BORA: variants seen among roughly 807,000 people sequenced by gnomAD.
BORA encodes protein aurora borealis.
In BORA, 26 loss-of-function variants were observed where a neutral mutation model predicts 55.8. The ratio of observed to expected loss-of-function variants is 0.47; its 90% CI spans 0.34 to 0.65. The LOEUF is 0.65. BORA is among the 30% of genes least tolerant of loss of function. The pLI is 0.01. For missense variants in BORA, 568 were observed against 671.5 expected (o/e 0.85, Z 1.70); for synonymous variants, 201 against 216.9 (o/e 0.93, Z 0.64).
In BORA at chr13:72,746,781, C is replaced by A; in HGVS notation, c.1152C>A (p.His384Gln). 1 of 1,614,128 alleles carries A rather than the reference C, an allele frequency of 6.2e-7. No individual in the cohort carries two copies. The highest frequency in any genetic ancestry group is 1.3e-5 in the African/African-American group (1 of 75,044). The change falls in exon 10 of 12, where the codon CAC (histidine) becomes CAA (glutamine). Residue 384 changes from histidine (H) to glutamine (Q), a missense_variant. Coordinates refer to ENST00000390667, the MANE Select transcript of BORA (RefSeq NM_024808.5). ...CCGCCATGGATGCTGCTGGAATACA[C>A]CTACGGCAGTTTAGTAATGAGGCTT... is the stretch of plus-strand genomic sequence containing the variant. ...SSPAMDAAGI[H>Q]LRQFSNEAST...
Position 72,746,047 on chromosome 13 carries a change from A to T in BORA, c.842A>T (p.Glu281Val). 6.2e-7 allele frequency: 1 copy of T among 1,611,898 alleles called. No homozygotes were observed. The highest frequency in any genetic ancestry group is 2.2e-5 in the East Asian group (1 of 44,806). The stretch of plus-strand genomic sequence containing the variant: ...TCTTCACCCACTTTCTCACCAATTG[A>T]ATTTCAGATAGGAGAGACTCCACTC... ...PISSPTFSPI[E>V]FQIGETPLSE... is the part of the protein sequence containing the mutation. The change falls in exon 9 of 12, where the codon GAA becomes GTA. Residue 281 changes from glutamate (E) to valine (V), a missense_variant. Glu to Val is a moderately radical substitution (Grantham distance 121). Transcript: ENST00000390667.
intron 11 of BORA, chr13:72,754,892 T>C: frequency 3.0e-6 from 1 of 332,186 alleles, no homozygotes; most frequent in South Asian, 4.2e-5. Context: ...TTTAAAATTT[T>C]TGGTAGAGAC....
chr13:72,732,337 TA>T (rs2032836429), intron 3 of BORA, among the ~76,000 whole-genome samples: 1 of 152,144 alleles, frequency 6.6e-6, no homozygotes, highest in African/African-American at 2.4e-5. Context: ...AGGAAGGGAA[TA>T]GAATGAGGAT....
intron 10 of BORA, chr13:72,752,893 C>T (rs2033315955): frequency 6.6e-6 from 1 of 152,102 alleles, no homozygotes; most frequent in African/African-American, 2.4e-5. Context: ...AAAATGATTC[C>T]CTTGTGGATT....
intron 10 of BORA, among the ~76,000 whole-genome samples, chr13:72,749,614 C>T (rs2033222728): frequency 6.6e-6 from 1 of 151,788 alleles, no homozygotes; most frequent in African/African-American, 2.4e-5. Flanking sequence ...GAAATGCGTT[C>T]GGTACTAATT....
At chr13:72,751,412 T>A (rs1488751133) in intron 10 of BORA, among the ~76,000 whole-genome samples, 2 of 152,196 alleles carry the variant, frequency 1.3e-5, no homozygotes, top group Admixed American at 6.5e-5. Context: ...TGGAATACTA[T>A]TCAGCCATAA....
chr13:72,749,112 A>C (rs534975432), intron 10 of BORA, among the ~76,000 whole-genome samples: 1 of 152,246 alleles, frequency 6.6e-6, no homozygotes, highest in Admixed American at 6.5e-5. Context: ...GAGGAAGAGT[A>C]CATTTCTAAA....
chr13:72,737,619 C>T (rs1455897282), intron 4 of BORA, among the ~76,000 whole-genome samples: 1 of 152,140 alleles, frequency 6.6e-6, no homozygotes, highest in African/African-American at 2.4e-5. Flanking sequence ...TACTGGCCTA[C>T]TTGCATGTCT....
chr13:72,744,019 G>A (rs2033090899), intron 6 of BORA, among the ~76,000 whole-genome samples: 1 of 152,146 alleles, frequency 6.6e-6, no homozygotes, highest in African/African-American at 2.4e-5. Flanking sequence ...TTACAGGCAT[G>A]AGCCACCAAG....
intron 2 of BORA, among the ~76,000 whole-genome samples, chr13:72,729,778 CAAAAT>C (rs139654809): frequency 0.012 from 1,902 of 152,174 alleles, 43 homozygotes; most frequent in African/African-American, 0.043. Flanking sequence ...TTGAAACTGT[CAAAAT>C]AATTCTTAGC....
At position 72,746,866 on chromosome 13, in the gene BORA, G is replaced by A. The variant is rs781323045; in HGVS notation, c.1237G>A (p.Ala413Thr). The A allele has an allele frequency of 1.9e-5, 31 of 1,614,178 alleles. No homozygotes were observed. The highest frequency in any genetic ancestry group is 2.6e-5 in the Non-Finnish European group (31 of 1,180,018). Residue 413 changes from alanine (A) to threonine (T), a missense_variant, in exon 10 of 12, where the codon GCT becomes ACT. Ala to Thr is a moderately conservative substitution (Grantham distance 58). Coordinates refer to ENST00000390667, the MANE Select transcript of BORA (RefSeq NM_024808.5). ...AMSVTQNQSSASEKELALLQD... is the reference protein window; with the variant it reads ...AMSVTQNQSSTSEKELALLQD... The stretch of plus-strand genomic sequence containing the variant: ...GTCTGTTACACAAAATCAGTCCAGT[G>A]CTTCTGAGAAAGAATTAGCACTGTT...
intron 5 of BORA, among the ~76,000 whole-genome samples, chr13:72,740,696 A>G (rs927774739): frequency 2.6e-5 from 4 of 152,188 alleles, no homozygotes; most frequent in African/African-American, 7.2e-5. Flanking sequence ...CTGTACCACA[A>G]AAGTAGCCGC....
At chr13:72,744,829 A>T (rs1045658537) in intron 7 of BORA, 152 bp from the exon 8 acceptor site, 10 of 678,324 alleles carry the variant, frequency 1.5e-5, no homozygotes, top group African/African-American at 5.4e-5. Context: ...ATAATTTAAG[A>T]TGTAAAACAT....
chr13:72,753,475 T>G, intron 10 of BORA: 1 of 402,466 alleles, frequency 2.5e-6, no homozygotes, highest in South Asian at 5.2e-5. Context: ...AAGATATATT[T>G]CATTGGAAGG....
At chr13:72,754,314 CTTTT>C (rs531119727) in intron 11 of BORA, 263 of 141,030 alleles carry the variant, frequency 1.9e-3, no homozygotes, top group African/African-American at 6.4e-3. Context: ...TCTTTTTTTT[CTTTT>C]TTTTTTTTTT....
Position 72,753,753 on chromosome 13 carries a change from A to G in BORA, c.1546A>G (p.Ser516Gly), listed in dbSNP as rs867904939. 2 of 1,613,616 alleles carry G rather than the reference A, an allele frequency of 1.2e-6. No individual in the cohort carries two copies. The highest frequency in any genetic ancestry group is 1.7e-6 in the Non-Finnish European group (2 of 1,179,648). Residue 516 changes from serine to glycine, a missense_variant, in exon 11 of 12, where the codon AGT (serine) becomes GGT (glycine). By Grantham distance (56) the Ser-to-Gly change is moderately conservative. Transcript: ENST00000390667. Reference protein sequence around the residue: ...SNIMDTVGAESYCKESDAQTC... With the variant: ...SNIMDTVGAEGYCKESDAQTC... ...TATTATGGATACAGTTGGGGCAGAA[A>G]GTTACTGCAAAGAAAGTGATGCACA...
chr13:72,744,943 A>G lies in BORA; in HGVS notation c.512-38A>G, dbSNP rs773073162. On this transcript the variant is annotated intron_variant, in intron 7 of 11. Transcript: ENST00000390667. ...AACAGAAGTATAATTGCCCTTTAAA[A>G]TGACTAGCTTTGCCTTTTCTCCTAT... 9.5e-6 allele frequency: 15 copies of G among 1,572,668 alleles called. No homozygotes were observed. In the South Asian group the frequency reaches 1.7e-4, roughly 17 times the overall value.
At chr13:72,744,257 C>T (rs2033095869) in intron 6 of BORA, among the ~76,000 whole-genome samples, 1 of 152,216 alleles carries the variant, frequency 6.6e-6, no homozygotes, top group Non-Finnish European at 1.5e-5. Flanking sequence ...GCTTCCTTTT[C>T]AAGTGCCAGT....
At chr13:72,750,778 TAATA>T (rs1159156202) in intron 10 of BORA, among the ~76,000 whole-genome samples, 3 of 152,146 alleles carry the variant, frequency 2.0e-5, no homozygotes, top group African/African-American at 7.2e-5. Flanking sequence ...CTTACAGATA[TAATA>T]GATATCGTCA....
Sources: gnomAD v4.1 joint callset for allele counts (sites outside exome capture counted in the v4.1 genomes callset) on GRCh38, gnomAD v4.1.1 for gene constraint, MANE v1.5 for transcripts, NCBI Gene and HGNC (gene_info 2026-07-23, HGNC 2026-07-21) for gene names.